The following IQCH variants were observed in gnomAD, a reference collection of about 807,000 sequenced individuals.
The protein encoded by IQCH is IQ motif containing H.
A neutral mutation model predicts 117.0 loss-of-function variants in IQCH; 98 were observed. That is an observed-to-expected ratio of 0.84 (90% CI 0.71 to 0.99). The LOEUF (loss-of-function observed/expected upper bound fraction) is 0.99, where lower values mean the gene tolerates loss of function less well. Among genes scored for constraint, IQCH ranks in the 50% least tolerant of loss-of-function variants. IQCH has a pLI of 0.00. For missense variants in IQCH, 1,102 were observed against 1,243.8 expected (o/e 0.89, Z 1.72); for synonymous variants, 412 against 448.2 (o/e 0.92, Z 1.02).
chr15:67,333,041 C>T (rs1046456610), intron 4 of IQCH, among the ~76,000 whole-genome samples: 3 of 152,120 alleles, frequency 2.0e-5, no homozygotes, highest in Non-Finnish European at 2.9e-5. Context: ...TCATAGATGG[C>T]GCCTTTTCTC....
In IQCH at chr15:67,408,892, C is replaced by T. The variant is rs775591532; in HGVS notation, c.2098-8039C>T. Among the ~76,000 whole-genome samples, 2 of 152,146 alleles carry T rather than the reference C, an allele frequency of 1.3e-5. No homozygotes were observed. Among genetic ancestry groups the T allele is most frequent in the Non-Finnish European group, 2.9e-5 (2 of 68,012 alleles). ...ACATGGTTTCTGCTTTAAAATATTG[C>T]ATGATCTTAGAACAGTCATATGTAT... On this transcript the variant is annotated intron_variant, in intron 14 of 20. Coordinates refer to ENST00000335894, the MANE Select transcript of IQCH (RefSeq NM_001031715.3). The surrounding 1 kb of genome is among the most constrained non-coding windows in gnomAD (Gnocchi z 4.2).
At chr15:67,318,314 AC>A (rs1967948319) in intron 4 of IQCH, among the ~76,000 whole-genome samples, 1 of 152,050 alleles carries the variant, frequency 6.6e-6, no homozygotes, top group Non-Finnish European at 1.5e-5. Context: ...GAACACATGT[AC>A]CTAGTAATAA....
At position 67,392,531 on chromosome 15, in the gene IQCH, T is replaced by C. The variant is rs559898989; in HGVS notation, c.1633-2760T>C. ...GTGGCTCACACCTGTAATCTCAGCA[T>C]TTTGGGAGGCCAAGGCAGGTGGATC... is the stretch of plus-strand genomic sequence containing the variant. On this transcript the variant is annotated intron_variant, in intron 12 of 20. Coordinates refer to ENST00000335894, the MANE Select transcript of IQCH (RefSeq NM_001031715.3). 2.0e-4 allele frequency among the ~76,000 whole-genome samples: 30 copies of C among 152,106 alleles called. No individual in the cohort carries two copies. The East Asian group carries it at 3.1e-3, about 16-fold the overall frequency.
At chr15:67,399,790 AAG>A (rs1567156102) in intron 13 of IQCH, among the ~76,000 whole-genome samples, 1 of 152,230 alleles carries the variant, frequency 6.6e-6, no homozygotes, top group Non-Finnish European at 1.5e-5. Flanking sequence ...CTGAAAAAGA[AAG>A]AAAACAATAT....
chr15:67,328,458 T>A (rs1027797436), intron 4 of IQCH, among the ~76,000 whole-genome samples: 5 of 152,192 alleles, frequency 3.3e-5, no homozygotes, highest in African/African-American at 1.2e-4. Flanking sequence ...AATTACAATA[T>A]ATGTTATAAA....
Position 67,372,612 on chromosome 15 carries a change from C to CT in IQCH, c.1256dup (p.Glu421GlyfsTer63). ...CCATAAGACTCGACTAAAGAAGATA[C>CT]TAAAGGAATCACGTCAGAGACACCT... On this transcript the variant is annotated frameshift_variant, in exon 9 of 21. Coordinates refer to ENST00000335894, the MANE Select transcript of IQCH (RefSeq NM_001031715.3). LOFTEE classifies it high-confidence loss of function. 1 of 1,613,154 alleles carries CT rather than the reference C, an allele frequency of 6.2e-7. No individual in the cohort carries two copies. Among genetic ancestry groups the CT allele is most frequent in the Non-Finnish European group, 8.5e-7 (1 of 1,179,668 alleles).
rs1341155729 is a variant in IQCH, at chr15:67,387,935, T to TTC, written c.1457-892_1457-891dup. On this transcript the variant is annotated intron_variant, in intron 11 of 20. Transcript: ENST00000335894. This position sits in a 1 kb window ranked among gnomAD's most constrained non-coding sequence, Gnocchi z 4.8. The stretch of plus-strand genomic sequence containing the variant: ...GTTTACAGTGCTCCCTCCTCTGAAC[T>TTC]TCTCTAAGTACCTGGTCTGCATGCT... Among the ~76,000 whole-genome samples the TTC allele has an allele frequency of 3.3e-5, 5 of 152,196 alleles. No homozygotes were observed. The highest frequency in any genetic ancestry group is 5.9e-5 in the Non-Finnish European group (4 of 68,036).
intron 18 of IQCH, among the ~76,000 whole-genome samples, chr15:67,486,038 CT>C (rs55963427): frequency 1.6e-3 from 170 of 106,360 alleles, no homozygotes; most frequent in East Asian, 0.013. Context: ...GCTAAGTTTT[CT>C]TTTTTTTTTT....
At chr15:67,478,076 A>T (rs2083248048) in intron 18 of IQCH, among the ~76,000 whole-genome samples, 1 of 152,172 alleles carries the variant, frequency 6.6e-6, no homozygotes, top group Non-Finnish European at 1.5e-5. Context: ...GAGCTCACTG[A>T]AGACAGCTAC....
chr15:67,286,753 C>A (rs34796890), intron 4 of IQCH, among the ~76,000 whole-genome samples: 1 of 151,696 alleles, frequency 6.6e-6, no homozygotes, highest in Non-Finnish European at 1.5e-5. Flanking sequence ...GGATTACAGG[C>A]GCAGGCCACC....
rs1158426672 is a variant in IQCH, at chr15:67,358,264, G to A, written c.714+843G>A. 2.0e-4 allele frequency among the ~76,000 whole-genome samples: 24 copies of A among 121,766 alleles called. No individual in the cohort carries two copies. In the East Asian group the frequency reaches 3.6e-3, roughly 18 times the overall value. 79.9% of individuals were successfully genotyped at this position (121,766 alleles called of 152,430 possible). A position where few individuals can be genotyped will look rare whatever the true frequency, so the allele number is the denominator to read the frequency against. ...CTGTCACCCAGGCTGGCACAGTCTC[G>A]GCTCACTGCAACCTCTGGCTCCGAG... On this transcript the variant is annotated intron_variant, in intron 7 of 20. Transcript: ENST00000335894.
At chr15:67,379,244 T>C (rs1970839796) in intron 10 of IQCH, among the ~76,000 whole-genome samples, 1 of 152,140 alleles carries the variant, frequency 6.6e-6, no homozygotes, top group African/African-American at 2.4e-5. Context: ...ATTTGGAAAA[T>C]GAAAGAATAA....
chr15:67,298,780 C>T (rs1567076041), intron 4 of IQCH, among the ~76,000 whole-genome samples: 1 of 151,992 alleles, frequency 6.6e-6, no homozygotes, highest in Non-Finnish European at 1.5e-5. Flanking sequence ...GCACAAGAAT[C>T]ACATGAACCC....
In IQCH at chr15:67,385,188, CAT is replaced by C. The variant is rs550347446; in HGVS notation, c.1456+172_1456+173del. Among the ~76,000 whole-genome samples the C allele has an allele frequency of 1.1e-4, 17 of 152,190 alleles. No individual in the cohort carries two copies. The highest frequency in any genetic ancestry group is 6.8e-3 in the Middle Eastern group (2 of 294). On this transcript the variant is annotated intron_variant, in intron 11 of 20. Coordinates refer to ENST00000335894, the MANE Select transcript of IQCH (RefSeq NM_001031715.3). This position sits in a 1 kb window ranked among gnomAD's most constrained non-coding sequence, Gnocchi z 4.6. ...CAATTAAATGTTTTATTTTAAAAAA[CAT>C]ATTTGTAGTAAAATCAACTTGAATA...
At chr15:67,419,635 C>A (rs2140914543) in intron 15 of IQCH, among the ~76,000 whole-genome samples, 1 of 151,818 alleles carries the variant, frequency 6.6e-6, no homozygotes, top group East Asian at 1.9e-4. Flanking sequence ...CTCACTGCAG[C>A]CTTGGCCTCC....
chr15:67,485,330 G>A (rs2083444936), intron 18 of IQCH, among the ~76,000 whole-genome samples: 1 of 152,040 alleles, frequency 6.6e-6, no homozygotes, highest in Admixed American at 6.6e-5. Context: ...CAAATGACTA[G>A]CGAACTAGAA....
rs541799871 is a variant in IQCH, at chr15:67,324,516, A to C, written c.388-12459A>C. Among the ~76,000 whole-genome samples the C allele has an allele frequency of 2.0e-5, 3 of 151,178 alleles. No homozygotes were observed. In the South Asian group the frequency reaches 6.3e-4, roughly 32 times the overall value. On this transcript the variant is annotated intron_variant, in intron 4 of 20. Transcript: ENST00000335894. ...TCTCAGCTACTCAGGAGGCTGAGACAGGAGAATTGCTTGAACCCAGGAGGC... is the reference window on the plus strand; with the variant it reads ...TCTCAGCTACTCAGGAGGCTGAGACCGGAGAATTGCTTGAACCCAGGAGGC...
intron 3 of IQCH, among the ~76,000 whole-genome samples, chr15:67,278,671 A>G (rs1966227518): frequency 6.6e-6 from 1 of 152,248 alleles, no homozygotes; most frequent in Non-Finnish European, 1.5e-5. Flanking sequence ...GAGTGAAACT[A>G]GAACTCCGTA....
At chr15:67,267,822 A>C (rs561653684) in intron 3 of IQCH, among the ~76,000 whole-genome samples, 1 of 152,318 alleles carries the variant, frequency 6.6e-6, no homozygotes, top group East Asian at 1.9e-4. Flanking sequence ...ATTCCAAATG[A>C]ATACTATCCC....
Sources: gnomAD v4.1 joint callset for allele counts (sites outside exome capture counted in the v4.1 genomes callset) on GRCh38, gnomAD v4.1.1 for gene constraint, Gnocchi (gnomAD v3.1) non-coding constraint, MANE v1.5 for transcripts, NCBI Gene and HGNC (gene_info 2026-07-23, HGNC 2026-07-21) for gene names.